Variants in ASAP2 observed in about 807,000 individuals in gnomAD.
ASAP2 encodes the protein ArfGAP with SH3 domain, ankyrin repeat and PH domain 2, also known as arf-GAP with SH3 domain, ANK repeat and PH domain-containing protein 2.
In ASAP2, 45 loss-of-function variants were observed where a neutral mutation model predicts 131.4. The ratio of observed to expected loss-of-function variants is 0.34; its 90% CI spans 0.27 to 0.44. The LOEUF is 0.44. Among genes scored for constraint, ASAP2 ranks in the 20% least tolerant of loss-of-function variants. ASAP2 has a pLI of 1.00. For synonymous variants in ASAP2, 510 were observed against 503.0 expected (o/e 1.01, Z -0.19); for missense variants, 1,011 against 1,297.0 (o/e 0.78, Z 3.39).
intron 1 of ASAP2, among the ~76,000 whole-genome samples, chr2:9,237,069 A>G (rs1663604505): frequency 6.6e-6 from 1 of 152,216 alleles, no homozygotes; most frequent in African/African-American, 2.4e-5. Context: ...GCTTGGAGAA[A>G]TAGGCAAGAG....
At chr2:9,397,210 G>A (rs141155415) in intron 24 of ASAP2, among the ~76,000 whole-genome samples, 21 of 152,172 alleles carry the variant, frequency 1.4e-4, no homozygotes, top group Non-Finnish European at 1.9e-4. Context: ...GCTGTTTTTC[G>A]AGAGAAACAA....
At chr2:9,213,467 A>G (rs1661754508) in intron 1 of ASAP2, among the ~76,000 whole-genome samples, 1 of 152,180 alleles carries the variant, frequency 6.6e-6, no homozygotes, top group Non-Finnish European at 1.5e-5. Flanking sequence ...TGAGCAGGGA[A>G]TAACATGGTC....
chr2:9,327,670 G>C (rs1270163529), intron 6 of ASAP2, among the ~76,000 whole-genome samples, 156 bp from the exon 7 acceptor site: 1 of 152,012 alleles, frequency 6.6e-6, no homozygotes, highest in Non-Finnish European at 1.5e-5. Context: ...ATAAAGAAAC[G>C]GTTACGGAAT....
At chr2:9,259,641 C>T (rs944049910) in intron 1 of ASAP2, among the ~76,000 whole-genome samples, 1 of 152,240 alleles carries the variant, frequency 6.6e-6, no homozygotes, top group African/African-American at 2.4e-5. Flanking sequence ...CCTTGGCGCT[C>T]TCAGGCCCCC....
chr2:9,325,450 T>C (rs570853160), intron 6 of ASAP2, among the ~76,000 whole-genome samples: 37 of 152,340 alleles, frequency 2.4e-4, no homozygotes, highest in Non-Finnish European at 4.0e-4. Context: ...GTAGTAGTGT[T>C]TTACAAAGAA....
At chr2:9,241,813 T>C (rs1663991632) in intron 1 of ASAP2, among the ~76,000 whole-genome samples, 1 of 152,200 alleles carries the variant, frequency 6.6e-6, no homozygotes, top group African/African-American at 2.4e-5. Flanking sequence ...AGGGATGGCA[T>C]TTTGATCTGG....
At chr2:9,302,795 G>A (rs1668583540) in intron 3 of ASAP2, among the ~76,000 whole-genome samples, 1 of 152,138 alleles carries the variant, frequency 6.6e-6, no homozygotes, top group African/African-American at 2.4e-5. Flanking sequence ...GGGATTACAG[G>A]TGTGAGCCAC....
chr2:9,344,230 C>T (rs1170080996), intron 9 of ASAP2, among the ~76,000 whole-genome samples: 1 of 152,122 alleles, frequency 6.6e-6, no homozygotes, highest in East Asian at 1.9e-4. Flanking sequence ...AGCCTCATGT[C>T]ACTGTCAGGG....
At chr2:9,286,552 C>T (rs1269759701) in intron 2 of ASAP2, among the ~76,000 whole-genome samples, 4 of 152,012 alleles carry the variant, frequency 2.6e-5, no homozygotes, top group Admixed American at 2.0e-4. Flanking sequence ...TAGTACTCTG[C>T]TCCATTGTTG....
chr2:9,360,677 A>G (rs1417709431), intron 15 of ASAP2, among the ~76,000 whole-genome samples: 1 of 152,248 alleles, frequency 6.6e-6, no homozygotes, highest in African/African-American at 2.4e-5. Context: ...GATGTTCATT[A>G]TATAGTACAT....
At chr2:9,257,142 T>C (rs1382929399) in intron 1 of ASAP2, among the ~76,000 whole-genome samples, 1 of 152,216 alleles carries the variant, frequency 6.6e-6, no homozygotes, top group East Asian at 1.9e-4. Context: ...TCGTGGAGTG[T>C]TTACACGTGT....
chr2:9,345,667 T>C (rs111645735), intron 11 of ASAP2, among the ~76,000 whole-genome samples: 2,588 of 152,172 alleles, frequency 0.017, 69 homozygotes, highest in African/African-American at 0.059. Context: ...TAGTAGTGCA[T>C]GCAAGCCAGC....
chr2:9,254,236 A>AAAAAAAAT (rs1553297024), intron 1 of ASAP2, among the ~76,000 whole-genome samples: 1 of 47,110 alleles, frequency 2.1e-5, no homozygotes, highest in Non-Finnish European at 3.4e-5. Flanking sequence ...AAAAAAAAAA[A>AAAAAAAAT]ATATATATAT....
chr2:9,208,297 A>G (rs1179973585), intron 1 of ASAP2, among the ~76,000 whole-genome samples: 1 of 114,180 alleles, frequency 8.8e-6, no homozygotes. Flanking sequence ...AAAATTGGGT[A>G]TTGCAGGTGT....
chr2:9,356,173 T>G lies in ASAP2; in HGVS notation c.1161-6T>G. 1 of 1,614,096 alleles carries G rather than the reference T, an allele frequency of 6.2e-7. No individual in the cohort carries two copies. The highest frequency in any genetic ancestry group is 1.1e-5 in the South Asian group (1 of 91,086). ...ATTTAACACAGCGTTGCTCTTGTTTTTCTAGATGGATGTCTGTGCTGCAAA... is the reference window on the plus strand; with the variant it reads ...ATTTAACACAGCGTTGCTCTTGTTTGTCTAGATGGATGTCTGTGCTGCAAA... On this transcript the variant is annotated splice_polypyrimidine_tract_variant and splice_region_variant and intron_variant, in intron 13 of 27. Transcript: ENST00000281419.
intron 1 of ASAP2, among the ~76,000 whole-genome samples, chr2:9,271,036 A>G (rs865879967): frequency 2.1e-4 from 31 of 150,408 alleles, no homozygotes; most frequent in Non-Finnish European, 1.0e-4. Flanking sequence ...CTCGTGATCC[A>G]CCTGCCTCGG....
intron 1 of ASAP2, among the ~76,000 whole-genome samples, chr2:9,275,459 G>T (rs1286255250): frequency 1.3e-5 from 2 of 152,106 alleles, no homozygotes; most frequent in African/African-American, 4.8e-5. Flanking sequence ...GAGGCAGGAG[G>T]GCTGAAATCT....
At chr2:9,334,628 C>T (rs1671076876) in intron 7 of ASAP2, 110 bp from the exon 8 acceptor site, 5 of 887,940 alleles carry the variant, frequency 5.6e-6, no homozygotes, top group Non-Finnish European at 7.0e-6. Context: ...GTCTTTTCCC[C>T]CAGGAGTTAC....
chr2:9,344,951 G>A (rs1305635827), intron 11 of ASAP2, 151 bp downstream of exon 11: 1 of 553,206 alleles, frequency 1.8e-6, no homozygotes. Flanking sequence ...AACGCTTGCT[G>A]GCCTCCGTCT....
Sources: gnomAD v4.1 joint callset for allele counts (sites outside exome capture counted in the v4.1 genomes callset) on GRCh38, gnomAD v4.1.1 for gene constraint, MANE v1.5 for transcripts, NCBI Gene and HGNC (gene_info 2026-07-23, HGNC 2026-07-21) for gene names.